Variants in WDR41 observed in about 807,000 individuals in gnomAD.
The protein encoded by WDR41 is WD repeat domain 41.
In WDR41, 63 loss-of-function variants were observed where a neutral mutation model predicts 69.3. That is an observed-to-expected ratio of 0.91 (90% CI 0.74 to 1.12). The LOEUF is 1.12. Among genes scored for constraint, WDR41 ranks in the 50% most tolerant of loss-of-function variants. WDR41 has a pLI of 0.00. For missense variants in WDR41, 543 were observed against 534.5 expected (o/e 1.02, Z -0.16); for synonymous variants, 185 against 192.1 (o/e 0.96, Z 0.31).
chr5:77,599,356 A>G (rs1372111296), intron 1 of WDR41, among the ~76,000 whole-genome samples: 1 of 151,922 alleles, frequency 6.6e-6, no homozygotes, highest in African/African-American at 2.4e-5. Context: ...ATCTGCCACC[A>G]AGCCTGGCTA....
intron 3 of WDR41, among the ~76,000 whole-genome samples, chr5:77,464,399 C>T (rs922625730): frequency 1.3e-5 from 2 of 150,402 alleles, no homozygotes; most frequent in African/African-American, 2.5e-5. Context: ...GCATGTGCCA[C>T]TATGCCCAGC....
chr5:77,597,226 G>T (rs776197562), intron 1 of WDR41, among the ~76,000 whole-genome samples: 1 of 152,144 alleles, frequency 6.6e-6, no homozygotes, highest in Admixed American at 6.6e-5. Flanking sequence ...CACTCTTTGA[G>T]AACCACTGCT....
At chr5:77,474,678 C>T (rs570099957) in intron 2 of WDR41, among the ~76,000 whole-genome samples, 1 of 150,012 alleles carries the variant, frequency 6.7e-6, no homozygotes, top group East Asian at 2.0e-4. Flanking sequence ...GTCTAAGGTC[C>T]TTTTTTAGCT....
intron 1 of WDR41, among the ~76,000 whole-genome samples, chr5:77,609,846 A>G (rs1223919018): frequency 6.6e-6 from 1 of 152,114 alleles, no homozygotes; most frequent in Non-Finnish European, 1.5e-5. Flanking sequence ...GCTTCAGACA[A>G]TCAAACTACT....
At chr5:77,570,871 A>G (rs13359742) in intron 1 of WDR41, among the ~76,000 whole-genome samples, 50,589 of 151,772 alleles carry the variant, frequency 0.33, 9,751 homozygotes, top group African/African-American at 0.52. Flanking sequence ...GAAAGAAATC[A>G]TCGACAAAGG....
chr5:77,453,778 C>T (rs1799715082), intron 6 of WDR41, 39 bp downstream of exon 6: 2 of 1,499,014 alleles, frequency 1.3e-6, no homozygotes, highest in Admixed American at 3.4e-5. Flanking sequence ...GTCTTCTAGT[C>T]TGTCAATCAT....
At chr5:77,439,058 G>C (rs1799055274) in intron 9 of WDR41, among the ~76,000 whole-genome samples, 1 of 152,088 alleles carries the variant, frequency 6.6e-6, no homozygotes, top group East Asian at 1.9e-4. Context: ...AGTCACACAA[G>C]AAATGAAACA....
chr5:77,523,336 A>G (rs2112194807), intron 1 of WDR41, among the ~76,000 whole-genome samples: 1 of 152,158 alleles, frequency 6.6e-6, no homozygotes, highest in Admixed American at 6.5e-5. Flanking sequence ...TCTACCTTTT[A>G]GAATAATATA....
chr5:77,438,301 TCA>T lies in WDR41; in HGVS notation c.941_942del (p.Val314AspfsTer9), dbSNP rs1561726477. ...LYVYSLQMKR[V>X]IACQKTAHDS... is the part of the protein sequence containing the mutation. ...TCATGTGCAGTTTTCTGGCAGGCAA[TCA>T]CACGCTTCATTTGAAGGCTATACAC... is the stretch of plus-strand genomic sequence containing the variant. On this transcript the variant is annotated frameshift_variant, in exon 10 of 13. Transcript: ENST00000296679. LOFTEE classifies it high-confidence loss of function. The T allele has an allele frequency of 9.9e-6, 16 of 1,613,952 alleles. No homozygotes were observed. Among genetic ancestry groups the T allele is most frequent in the Admixed American group, 3.3e-5 (2 of 59,998 alleles).
In WDR41 at chr5:77,546,042, T is replaced by C. The variant is rs147237849; in HGVS notation, c.43-56470A>G. 1,750 of 563,350 alleles carry C rather than the reference T, an allele frequency of 3.1e-3. 52 individuals are homozygous for C. The highest frequency in any genetic ancestry group is 0.03 in the African/African-American group (1,537 of 51,122). 34.9% of individuals were successfully genotyped at this position (563,350 alleles called of 1,614,324 possible). A position where few individuals can be genotyped will look rare whatever the true frequency, so the allele number is the denominator to read the frequency against. ...AAGAAGCTGCTGATGATGGCTGGTA[T>C]TGATGACTGCTACACCTCAGCCAGG... On this transcript the variant is annotated intron_variant, in intron 1 of 5. Coordinates refer to the WDR41 transcript ENST00000509971.
At chr5:77,582,974 G>T (rs940649919) in intron 1 of WDR41, 12 of 1,606,010 alleles carry the variant, frequency 7.5e-6, no homozygotes, top group East Asian at 4.5e-5. Context: ...GTTGGAAAAC[G>T]CTTCAAAGAG....
chr5:77,606,423 TG>T (rs1308076421), intron 1 of WDR41, among the ~76,000 whole-genome samples: 1 of 152,180 alleles, frequency 6.6e-6, no homozygotes, highest in Non-Finnish European at 1.5e-5. Context: ...TTTAGTGCAT[TG>T]AACACCATGC....
Position 77,603,091 on chromosome 5 carries a change from C to A in WDR41, c.42+17388G>T, listed in dbSNP as rs1744354343. Among the ~76,000 whole-genome samples, 6 of 152,072 alleles carry A rather than the reference C, an allele frequency of 3.9e-5. No individual in the cohort carries two copies. In the South Asian group the frequency reaches 6.2e-4, roughly 16 times the overall value. On this transcript the variant is annotated intron_variant, in intron 1 of 5. Transcript: ENST00000509971. Reference sequence around the variant, plus strand: ...TAGCTGGGACTACAGGCGCCCACCACCATGCCCAGCTAATTTTTGTATTTT... The same window carrying A: ...TAGCTGGGACTACAGGCGCCCACCAACATGCCCAGCTAATTTTTGTATTTT...
chr5:77,526,329 A>G (rs963952103), intron 1 of WDR41, among the ~76,000 whole-genome samples: 2 of 151,970 alleles, frequency 1.3e-5, no homozygotes, highest in African/African-American at 4.8e-5. Context: ...TTTTACTACA[A>G]TGTGGTCACA....
intron 1 of WDR41, among the ~76,000 whole-genome samples, chr5:77,549,490 C>G (rs1211959988): frequency 6.6e-6 from 1 of 151,834 alleles, no homozygotes; most frequent in Non-Finnish European, 1.5e-5. Flanking sequence ...AAATCAAGAA[C>G]ATAATCTCAT....
chr5:77,434,282 A>G (rs335626), intron 12 of WDR41, among the ~76,000 whole-genome samples: 96,354 of 151,958 alleles, frequency 0.63, 32,328 homozygotes, highest in African/African-American at 0.86. Context: ...TTGTACTCCA[A>G]CCTGGGCAAC....
At chr5:77,612,073 C>T (rs1252099399) in intron 1 of WDR41, among the ~76,000 whole-genome samples, 16 of 151,980 alleles carry the variant, frequency 1.1e-4, no homozygotes, top group Admixed American at 1.0e-3. Context: ...ACATATACAC[C>T]CTCCCAAGAC....
chr5:77,522,735 C>T (rs11744627), intron 1 of WDR41, among the ~76,000 whole-genome samples: 74,466 of 151,940 alleles, frequency 0.49, 19,553 homozygotes, highest in African/African-American at 0.69. Context: ...GTCACGAGTT[C>T]TCCAAAGGGG....
rs1197950225 is a variant in WDR41, at chr5:77,433,097, G to A, written c.*38C>T. The A allele has an allele frequency of 1.9e-6, 3 of 1,566,762 alleles. No homozygotes were observed. ...TTCAGAGTAGTACCCGATATTTGAT[G>A]TTCAAGGTTCATGCATGTGTATTTT... On this transcript the variant is annotated 3_prime_UTR_variant, in exon 13 of 13. Transcript: ENST00000296679.
Sources: allele counts gnomAD v4.1 joint callset (sites outside exome capture counted in the v4.1 genomes callset), GRCh38; gene constraint gnomAD v4.1.1; transcripts MANE v1.5; gene names NCBI Gene and HGNC (gene_info 2026-07-23, HGNC 2026-07-21).